Variants in ZNF682 observed in about 807,000 individuals in gnomAD.
ZNF682 encodes zinc finger protein 682.
A neutral mutation model predicts 36.5 loss-of-function variants in ZNF682; 29 were observed. The observed-to-expected ratio is 0.80, with a 90% CI of 0.59 to 1.08. ZNF682 has a LOEUF of 1.08. Ranked by LOEUF, ZNF682 falls within the 50% of genes least tolerant of loss-of-function variation. ZNF682 has a pLI of 0.00. For synonymous variants in ZNF682, 180 were observed against 197.0 expected (o/e 0.91, Z 0.72); for missense variants, 561 against 579.7 (o/e 0.97, Z 0.33).
chr19:19,998,115 C>A (rs258579), intron 3 of ZNF682, among the ~76,000 whole-genome samples: 25,523 of 152,164 alleles, frequency 0.17, 2,479 homozygotes, highest in East Asian at 0.49. Flanking sequence ...TTGAATCATA[C>A]CTGCACCGTA....
chr19:20,032,411 G>A (rs928695420), intron 1 of ZNF682, among the ~76,000 whole-genome samples: 4 of 152,166 alleles, frequency 2.6e-5, no homozygotes, highest in Non-Finnish European at 4.4e-5. Context: ...TGCCCTGTAA[G>A]GTTATTTTTG....
intron 1 of ZNF682, among the ~76,000 whole-genome samples, chr19:20,036,062 A>T (rs1017184561): frequency 1.3e-5 from 2 of 152,142 alleles, no homozygotes; most frequent in Non-Finnish European, 2.9e-5. Context: ...ATTTAAATGG[A>T]TGCAGTTTGT....
At chr19:20,026,265 T>C (rs1169170896) in intron 1 of ZNF682, among the ~76,000 whole-genome samples, 2 of 151,290 alleles carry the variant, frequency 1.3e-5, no homozygotes, top group African/African-American at 4.8e-5. Context: ...ATCGCGCCAC[T>C]GCACTCCAGC....
At chr19:20,018,215 T>C (rs1404736357) in intron 3 of ZNF682, among the ~76,000 whole-genome samples, 1 of 144,184 alleles carries the variant, frequency 6.9e-6, no homozygotes, top group Non-Finnish European at 1.5e-5. Flanking sequence ...CGCCTCAGCC[T>C]CCCAAGTAGC....
At chr19:20,029,135 C>T (rs979667832) in intron 1 of ZNF682, among the ~76,000 whole-genome samples, 2 of 151,796 alleles carry the variant, frequency 1.3e-5, no homozygotes, top group Non-Finnish European at 2.9e-5. Context: ...CCTGCCACCA[C>T]GGCCAGCTAA....
In ZNF682 at chr19:20,005,940, T is replaced by C; in HGVS notation, c.*65A>G. 6.9e-7 allele frequency: 1 copy of C among 1,452,374 alleles called. No homozygotes were observed. Among genetic ancestry groups the C allele is most frequent in the Non-Finnish European group, 9.3e-7 (1 of 1,075,030 alleles). 90.0% of individuals were successfully genotyped at this position (1,452,374 alleles called of 1,614,324 possible). A position where few individuals can be genotyped will look rare whatever the true frequency, so the allele number is the denominator to read the frequency against. ...GAATTATCTTGTGATTTCAATGCCTTGAGCAAGATTTATGGAATTTGCCAC... is the reference window on the plus strand; with the variant it reads ...GAATTATCTTGTGATTTCAATGCCTCGAGCAAGATTTATGGAATTTGCCAC... On this transcript the variant is annotated 3_prime_UTR_variant, in exon 4 of 4. Transcript: ENST00000397165.
intron 3 of ZNF682, among the ~76,000 whole-genome samples, chr19:20,019,273 T>C (rs2088363992): frequency 6.6e-6 from 1 of 152,092 alleles, no homozygotes; most frequent in South Asian, 2.1e-4. Flanking sequence ...ATATGGAAAA[T>C]TGAGAGGCCT....
intron 1 of ZNF682, among the ~76,000 whole-genome samples, chr19:20,025,593 C>G (rs1333068952): frequency 1.3e-5 from 2 of 151,160 alleles, no homozygotes; most frequent in African/African-American, 4.9e-5. Flanking sequence ...AGCAGAATTG[C>G]TTGAATGTGG....
Position 20,024,388 on chromosome 19 carries a change from A to C in ZNF682, c.4-12T>G. 1 of 1,603,936 alleles carries C rather than the reference A, an allele frequency of 6.2e-7. No individual in the cohort carries two copies. Among genetic ancestry groups the C allele is most frequent in the Non-Finnish European group, 8.5e-7 (1 of 1,176,878 alleles). On this transcript the variant is annotated splice_polypyrimidine_tract_variant and intron_variant, in intron 1 of 3. Coordinates refer to ENST00000397165, the MANE Select transcript of ZNF682 (RefSeq NM_033196.3). The stretch of plus-strand genomic sequence containing the variant: ...AATGTCAACAGTTCCTGAAAAACAA[A>C]ACAAAACATAGTGACCAACTGTCAA...
intron 2 of ZNF682, among the ~76,000 whole-genome samples, chr19:20,023,779 C>T (rs908459930): frequency 6.6e-6 from 1 of 151,698 alleles, no homozygotes; most frequent in African/African-American, 2.4e-5. Context: ...GTCAGGAGTT[C>T]GAGACCAGCC....
chr19:19,998,097 G>C (rs2088139050), intron 3 of ZNF682, among the ~76,000 whole-genome samples: 1 of 152,218 alleles, frequency 6.6e-6, no homozygotes, highest in African/African-American at 2.4e-5. Context: ...ATGTGGTACA[G>C]AAAATGATTG....
chr19:19,998,277 A>G (rs925560101), intron 3 of ZNF682, among the ~76,000 whole-genome samples: 5 of 152,204 alleles, frequency 3.3e-5, no homozygotes, highest in Non-Finnish European at 7.3e-5. Flanking sequence ...CTGAGATGAC[A>G]TTTATACCAT....
chr19:20,019,910 C>G (rs2088368947), intron 3 of ZNF682, among the ~76,000 whole-genome samples: 4 of 152,068 alleles, frequency 2.6e-5, no homozygotes, highest in African/African-American at 7.2e-5. Context: ...CCCACAAATT[C>G]ATACAAACAA....
chr19:20,000,298 A>G (rs2088158232), downstream of ZNF682, among the ~76,000 whole-genome samples: 1 of 152,218 alleles, frequency 6.6e-6, no homozygotes, highest in South Asian at 2.1e-4. Context: ...GAGATGCTCA[A>G]GAGAGTAACA....
At chr19:20,023,901 G>A (rs936192175) in intron 2 of ZNF682, among the ~76,000 whole-genome samples, 18 of 152,124 alleles carry the variant, frequency 1.2e-4, no homozygotes, top group Middle Eastern at 3.4e-3. Flanking sequence ...AGAATCACTT[G>A]AACCCAGGAG....
rs1568537709 is a variant in ZNF682, at chr19:20,006,849, T to G, written c.653A>C (p.Lys218Thr). The G allele has an allele frequency of 1.2e-6, 2 of 1,614,088 alleles. No individual in the cohort carries two copies. Among genetic ancestry groups the G allele is most frequent in the Non-Finnish European group, 1.7e-6 (2 of 1,179,952 alleles). The change falls in exon 4 of 4, where the codon AAA becomes ACA. Residue 218 changes from lysine (K) to threonine (T), a missense_variant. Coordinates refer to ENST00000397165, the MANE Select transcript of ZNF682 (RefSeq NM_033196.3). ...KTFKWFSYLT[K>T]HKRIHTGEKP... ...CTCTCCAGTGTGAATTCTCTTATGT[T>G]TAGTAAGGTATGAGAACCACTTAAA...
At chr19:20,026,986 G>A (rs896721368) in intron 1 of ZNF682, among the ~76,000 whole-genome samples, 1 of 152,198 alleles carries the variant, frequency 6.6e-6, no homozygotes, top group Non-Finnish European at 1.5e-5. Flanking sequence ...AGGAACATCA[G>A]AAGTAGAGAA....
intron 3 of ZNF682, among the ~76,000 whole-genome samples, chr19:20,016,439 T>C (rs1338174116): frequency 2.6e-5 from 4 of 151,976 alleles, no homozygotes; most frequent in Admixed American, 2.6e-4. Flanking sequence ...TGTAGACAAC[T>C]AAACAGAATC....
intron 1 of ZNF682, among the ~76,000 whole-genome samples, chr19:20,027,363 C>T (rs897323612): frequency 6.6e-6 from 1 of 152,200 alleles, no homozygotes; most frequent in African/African-American, 2.4e-5. Context: ...CCCTTCCATG[C>T]CAGAGATGGC....
Sources: gnomAD v4.1 joint callset for allele counts (sites outside exome capture counted in the v4.1 genomes callset) on GRCh38, gnomAD v4.1.1 for gene constraint, MANE v1.5 for transcripts, NCBI Gene and HGNC (gene_info 2026-07-23, HGNC 2026-07-21) for gene names.